The following KANK1 variants were observed in gnomAD, a reference collection of about 807,000 sequenced individuals.
The protein encoded by KANK1 is KN motif and ankyrin repeat domain-containing protein 1.
In KANK1, 109 loss-of-function variants were observed where a neutral mutation model predicts 106.2. The observed-to-expected ratio is 1.03, with a 90% CI of 0.88 to 1.20. The LOEUF (loss-of-function observed/expected upper bound fraction) is 1.20. KANK1 is among the 50% of genes most tolerant of loss of function. The pLI, the probability that KANK1 is intolerant of heterozygous loss-of-function variation, is 0.00. For missense variants in KANK1, 2,399 were observed against 1,710.7 expected (o/e 1.40, Z -7.10); for synonymous variants, 873 against 652.2 (o/e 1.34, Z -5.16).
chr9:701,794 A>G (rs1822741322), intron 2 of KANK1, among the ~76,000 whole-genome samples: 1 of 152,174 alleles, frequency 6.6e-6, no homozygotes, highest in Non-Finnish European at 1.5e-5. Context: ...TGAGTACGTT[A>G]ATTTTTATGT....
intron 3 of KANK1, among the ~76,000 whole-genome samples, chr9:718,862 C>T (rs910989022): frequency 2.0e-5 from 3 of 151,668 alleles, no homozygotes; most frequent in Admixed American, 2.0e-4. Context: ...GTAGTATGTA[C>T]CAAAAAAGAA....
At chr9:577,231 C>G (rs1820807222) in intron 1 of KANK1, among the ~76,000 whole-genome samples, 2 of 152,218 alleles carry the variant, frequency 1.3e-5, no homozygotes, top group Non-Finnish European at 1.5e-5. Flanking sequence ...TTTGGCCCCG[C>G]CCACGTCCTG....
At chr9:693,787 GT>G (rs1820555058) in intron 2 of KANK1, 1 of 985,246 alleles carries the variant, frequency 1.0e-6, no homozygotes, top group Non-Finnish European at 1.2e-6. Context: ...TTCTGGGTGG[GT>G]AAGTAAGAAT....
At chr9:596,907 CCT>C (rs1826357096) in intron 1 of KANK1, among the ~76,000 whole-genome samples, 1 of 151,596 alleles carries the variant, frequency 6.6e-6, no homozygotes, top group African/African-American at 2.4e-5. Flanking sequence ...ACTATTCTCT[CCT>C]CTCTCTCATC....
intron 1 of KANK1, among the ~76,000 whole-genome samples, chr9:675,555 C>T (rs1253604542): frequency 1.3e-5 from 2 of 150,694 alleles, no homozygotes; most frequent in Admixed American, 6.6e-5. Flanking sequence ...AAATATAAGT[C>T]TTATTATGGT....
At chr9:654,808 TGTGTGTGAGAGAGA>T (rs965868822) in intron 1 of KANK1, among the ~76,000 whole-genome samples, 4 of 97,674 alleles carry the variant, frequency 4.1e-5, no homozygotes, top group African/African-American at 1.8e-4. Context: ...TTTGTGTGTG[TGTGTGTGAGAGAGA>T]GAGAGAGAGA....
At chr9:565,570 G>T (rs1211485068) in intron 1 of KANK1, among the ~76,000 whole-genome samples, 1 of 152,182 alleles carries the variant, frequency 6.6e-6, no homozygotes, top group Non-Finnish European at 1.5e-5. Flanking sequence ...GTGGACAGGG[G>T]ACTATAGAAT....
intron 1 of KANK1, among the ~76,000 whole-genome samples, chr9:511,063 G>C (rs530646743): frequency 1.3e-5 from 2 of 152,242 alleles, no homozygotes; most frequent in African/African-American, 4.8e-5. Flanking sequence ...TGTATTAATA[G>C]GCAAAATGTT....
intron 1 of KANK1, among the ~76,000 whole-genome samples, chr9:536,612 A>G (rs1021104217): frequency 6.6e-6 from 1 of 152,176 alleles, no homozygotes; most frequent in African/African-American, 2.4e-5. Flanking sequence ...ATGTGATCCC[A>G]TCTTTCTGTC....
chr9:638,564 G>C (rs1028623558), intron 1 of KANK1, among the ~76,000 whole-genome samples: 1 of 152,198 alleles, frequency 6.6e-6, no homozygotes, highest in Admixed American at 6.5e-5. Flanking sequence ...GCTCTGTAAA[G>C]TGCCTCAATG....
chr9:722,882 A>T (rs1421951424), intron 3 of KANK1, among the ~76,000 whole-genome samples: 1 of 152,192 alleles, frequency 6.6e-6, no homozygotes, highest in Non-Finnish European at 1.5e-5. Context: ...GGAACTCAAG[A>T]TGCTGACCAT....
At chr9:609,762 T>C (rs1302568276) in intron 1 of KANK1, among the ~76,000 whole-genome samples, 1 of 152,228 alleles carries the variant, frequency 6.6e-6, no homozygotes, top group Admixed American at 6.5e-5. Context: ...AGGAGAAGTA[T>C]CTTAATTTGG....
chr9:528,777 C>T (rs2059924815), intron 1 of KANK1, among the ~76,000 whole-genome samples: 1 of 151,716 alleles, frequency 6.6e-6, no homozygotes, highest in Admixed American at 6.6e-5. Context: ...CATGAGCCAC[C>T]ATGCCATTTT....
chr9:565,222 A>C (rs1001818707), intron 1 of KANK1, among the ~76,000 whole-genome samples: 1 of 152,198 alleles, frequency 6.6e-6, no homozygotes, highest in African/African-American at 2.4e-5. Context: ...TTTCCCACCC[A>C]TTCAACTCCC....
intron 1 of KANK1, among the ~76,000 whole-genome samples, chr9:584,570 T>A (rs1166028893): frequency 6.6e-6 from 1 of 152,220 alleles, no homozygotes; most frequent in African/African-American, 2.4e-5. Context: ...CCTTTTATGT[T>A]AAATAAGTAA....
intron 1 of KANK1, among the ~76,000 whole-genome samples, chr9:562,908 T>C (rs1816861454): frequency 6.6e-6 from 1 of 152,188 alleles, no homozygotes; most frequent in South Asian, 2.1e-4. Flanking sequence ...ATTTCATTGT[T>C]TTATTAACAC....
Position 517,393 on chromosome 9 carries a change from C to T in KANK1, c.-84+12639C>T, listed in dbSNP as rs774870790. 8.6e-5 allele frequency among the ~76,000 whole-genome samples: 13 copies of T among 151,856 alleles called. No homozygotes were observed. In the East Asian group the frequency reaches 1.2e-3, roughly 14 times the overall value. The stretch of plus-strand genomic sequence containing the variant: ...CTAGGATCACAGGCGTGAGCCACTG[C>T]GGCCCGGCTGCAAGCTGTGTTTTGT... On this transcript the variant is annotated intron_variant, in intron 1 of 11. Coordinates refer to ENST00000382297, the MANE Select transcript of KANK1 (RefSeq NM_015158.5).
chr9:648,458 A>T (rs977294223), intron 1 of KANK1, among the ~76,000 whole-genome samples: 8 of 152,208 alleles, frequency 5.3e-5, no homozygotes, highest in Non-Finnish European at 1.2e-4. Context: ...ATAGAAATGT[A>T]CCAATTCCTT....
intron 3 of KANK1, among the ~76,000 whole-genome samples, chr9:474,795 A>G (rs1039415951): frequency 1.3e-5 from 2 of 152,174 alleles, no homozygotes; most frequent in Non-Finnish European, 2.9e-5. Flanking sequence ...CAGGGTGACA[A>G]TGGAGCACCA....
Sources: gnomAD v4.1 joint callset for allele counts (sites outside exome capture counted in the v4.1 genomes callset) on GRCh38, gnomAD v4.1.1 for gene constraint, MANE v1.5 for transcripts, NCBI Gene and HGNC (gene_info 2026-07-23, HGNC 2026-07-21) for gene names.